The following CABIN1 variants were observed in gnomAD, a reference collection of about 807,000 sequenced individuals.
CABIN1 encodes calcineurin binding protein 1, also known as calcineurin-binding protein cabin-1.
In CABIN1, 133 loss-of-function variants were observed where a neutral mutation model predicts 227.7. The ratio of observed to expected loss-of-function variants is 0.58; its 90% CI spans 0.51 to 0.67. CABIN1 has a LOEUF of 0.67. Ranked by LOEUF, CABIN1 falls within the 30% of genes least tolerant of loss-of-function variation. The pLI, the probability that CABIN1 is intolerant of heterozygous loss-of-function variation, is 0.00. For missense variants in CABIN1, 2,408 were observed against 2,852.5 expected, an observed-to-expected ratio of 0.84 and a Z score of 3.55; for synonymous variants, 1,086 against 1,155.1, an observed-to-expected ratio of 0.94 and a Z score of 1.21.
rs183263857 is a variant in CABIN1, at chr22:24,093,608, C to T, written c.3786+1765C>T. On this transcript the variant is annotated intron_variant, in intron 24 of 36. Transcript: ENST00000263119. ...TTTGGGCCAGGCATGGTGGCTCACA[C>T]CTATAATCCCACTGCTTTGGGAGGA... Among the ~76,000 whole-genome samples, 65 of 151,980 alleles carry T rather than the reference C, an allele frequency of 4.3e-4. 1 individual carries two copies. The East Asian group carries it at 0.012, about 28-fold the overall frequency.
rs1008963195 is a variant in CABIN1, at chr22:24,177,146, C to T, written c.6206-358C>T. 2.0e-5 allele frequency among the ~76,000 whole-genome samples: 3 copies of T among 152,236 alleles called. No homozygotes were observed. The highest frequency in any genetic ancestry group is 2.9e-5 in the Non-Finnish European group (2 of 68,042). On this transcript the variant is annotated intron_variant, in intron 35 of 36. Coordinates refer to ENST00000263119, the MANE Select transcript of CABIN1 (RefSeq NM_012295.4). This position sits in a 1 kb window ranked among gnomAD's most constrained non-coding sequence, Gnocchi z 4.4. ...TTCAGTGTCCTCCCTGGGGCATAGA[C>T]ACCAATAGGACATGCATCCTAGGAT...
At chr22:24,049,982 T>A (rs1326220621) in intron 7 of CABIN1, among the ~76,000 whole-genome samples, 2 of 152,138 alleles carry the variant, frequency 1.3e-5, no homozygotes, top group Non-Finnish European at 2.9e-5. Context: ...GCTGCTCACT[T>A]ACAAACTTAT....
At chr22:24,091,939 C>T in intron 24 of CABIN1, 96 bp downstream of exon 24, 1 of 1,483,402 alleles carries the variant, frequency 6.7e-7, no homozygotes, top group East Asian at 2.3e-5. Flanking sequence ...AGTGACCGTC[C>T]TTCAACCTGC....
intron 29 of CABIN1, among the ~76,000 whole-genome samples, chr22:24,152,031 T>C (rs912494929): frequency 6.6e-6 from 1 of 152,130 alleles, no homozygotes; most frequent in Non-Finnish European, 1.5e-5. Flanking sequence ...GGGCATCTTT[T>C]CCCCTTCAGT....
intron 19 of CABIN1, among the ~76,000 whole-genome samples, chr22:24,081,295 T>C (rs1010586065): frequency 1.9e-4 from 29 of 152,180 alleles, no homozygotes; most frequent in Admixed American, 7.9e-4. Flanking sequence ...CTCTCTCTCT[T>C]TTTGGGGAGT....
intron 9 of CABIN1, 29 bp downstream of exon 9, chr22:24,055,188 G>A (rs371193160): frequency 1.8e-5 from 29 of 1,603,390 alleles, no homozygotes; most frequent in African/African-American, 4.0e-5. Context: ...TTTGGCTTCC[G>A]GGGAGACCCC....
At chr22:24,151,588 G>T (rs2045486485) in intron 29 of CABIN1, among the ~76,000 whole-genome samples, 1 of 152,120 alleles carries the variant, frequency 6.6e-6, no homozygotes, top group African/African-American at 2.4e-5. Flanking sequence ...GCAGCAAGGT[G>T]GGGGTGGGGC....
At chr22:24,062,907 G>C in intron 13 of CABIN1, 52 bp from the exon 14 acceptor site, 2 of 1,568,004 alleles carry the variant, frequency 1.3e-6, no homozygotes, top group Non-Finnish European at 1.8e-6. Flanking sequence ...AGAAGCAGAA[G>C]GGCATTAGAA....
Position 24,050,993 on chromosome 22 carries a change from CTGG to C in CABIN1, c.806+20_806+22del. On this transcript the variant is annotated intron_variant, in intron 8 of 36. Transcript: ENST00000263119. Reference sequence around the variant, plus strand: ...TCTTCACGTAGGTTGTCTAGCGTCTCTGGGAGTGCTGGGTCGGCCAGTAGGCCC... The same window carrying C: ...TCTTCACGTAGGTTGTCTAGCGTCTCGAGTGCTGGGTCGGCCAGTAGGCCC... 1 of 1,613,968 alleles carries C rather than the reference CTGG, an allele frequency of 6.2e-7. No individual in the cohort carries two copies. Among genetic ancestry groups the C allele is most frequent in the Non-Finnish European group, 8.5e-7 (1 of 1,179,994 alleles).
chr22:24,075,393 C>G (rs996378378), intron 18 of CABIN1, among the ~76,000 whole-genome samples: 1 of 152,154 alleles, frequency 6.6e-6, no homozygotes, highest in East Asian at 1.9e-4. Context: ...AAATGTGTAA[C>G]TGGAATTCAG....
chr22:24,016,540 TC>T (rs544855531), intron 1 of CABIN1, among the ~76,000 whole-genome samples: 5 of 152,372 alleles, frequency 3.3e-5, no homozygotes, highest in African/African-American at 1.2e-4. Context: ...TCATCTACTC[TC>T]CTATCTATGG....
intron 26 of CABIN1, among the ~76,000 whole-genome samples, chr22:24,099,688 T>G (rs568206922): frequency 1.3e-5 from 2 of 152,238 alleles, no homozygotes; most frequent in Non-Finnish European, 2.9e-5. Context: ...AATTAGTTTT[T>G]GCCAGCTGCT....
At chr22:24,159,064 CT>C (rs2046001304) in intron 29 of CABIN1, among the ~76,000 whole-genome samples, 1 of 152,216 alleles carries the variant, frequency 6.6e-6, no homozygotes, top group South Asian at 2.1e-4. Flanking sequence ...TGCCTGTGGG[CT>C]TCTCTTCCCC....
In CABIN1 at chr22:24,178,514, C is replaced by T. The variant is rs1028911461; in HGVS notation, c.*318C>T. The T allele has an allele frequency of 5.0e-6, 2 of 397,952 alleles. No individual in the cohort carries two copies. The highest frequency in any genetic ancestry group is 3.7e-5 in the Admixed American group (1 of 27,066). The allele number at this position is 397,952 out of a possible 1,614,324, so 24.7% of individuals were successfully genotyped here. On this transcript the variant is annotated 3_prime_UTR_variant, in exon 37 of 37. Coordinates refer to ENST00000263119, the MANE Select transcript of CABIN1 (RefSeq NM_012295.4). ...GCCCACACCCAGCTGGCCATATCCA[C>T]CCCTCGACGCCGGGATGAGCCGGCT...
chr22:24,177,561 A>T lies in CABIN1; in HGVS notation c.6263A>T (p.Glu2088Val). Residue 2088 changes from glutamate (E) to valine (V), a missense_variant, in exon 36 of 37, where the codon GAG (glutamate) becomes GTG (valine). Around this residue, in one of 3 missense-constraint regions of CABIN1, gnomAD observed 714 missense variants for 773.8 expected, o/e 0.92. Transcript: ENST00000263119. The surrounding 1 kb of genome is among the most constrained non-coding windows in gnomAD (Gnocchi z 4.4). ...GGGGAGGCTCAGGAGGCTGCGAGTG[A>T]GACTCAGCCCCTGAGCTCTCCCCCA... The part of the protein sequence containing the change: ...RDGEAQEAAS[E>V]TQPLSSPPTA... The T allele has an allele frequency of 6.3e-7, 1 of 1,585,390 alleles. No individual in the cohort carries two copies. Among genetic ancestry groups the T allele is most frequent in the South Asian group, 1.1e-5 (1 of 89,234 alleles).
chr22:24,099,751 G>T (rs1201154131), intron 26 of CABIN1, among the ~76,000 whole-genome samples: 1 of 152,208 alleles, frequency 6.6e-6, no homozygotes, highest in Non-Finnish European at 1.5e-5. Context: ...GCCTTTCCTG[G>T]TTGTCCACAT....
At chr22:24,039,130 A>G (rs1040216923) in intron 4 of CABIN1, among the ~76,000 whole-genome samples, 1 of 152,094 alleles carries the variant, frequency 6.6e-6, no homozygotes, top group Non-Finnish European at 1.5e-5. Context: ...GAAGGTGTAT[A>G]TTTCATTAGG....
chr22:24,123,146 C>G (rs1170686447), intron 28 of CABIN1, among the ~76,000 whole-genome samples: 1 of 152,148 alleles, frequency 6.6e-6, no homozygotes, highest in Non-Finnish European at 1.5e-5. Flanking sequence ...GCCATCCCCA[C>G]CCAGTAGCAG....
chr22:24,143,131 G>C (rs1330958806), intron 29 of CABIN1, among the ~76,000 whole-genome samples: 1 of 152,216 alleles, frequency 6.6e-6, no homozygotes, highest in African/African-American at 2.4e-5. Context: ...TCACTAGTCT[G>C]TGCTGGAGGA....
Sources: gnomAD v4.1 joint callset for allele counts (sites outside exome capture counted in the v4.1 genomes callset) on GRCh38, gnomAD v4.1.1 for gene constraint, gnomAD v4.1.1 regional missense constraint, Gnocchi (gnomAD v3.1) non-coding constraint, MANE v1.5 for transcripts, NCBI Gene and HGNC (gene_info 2026-07-23, HGNC 2026-07-21) for gene names.